Variants in EHMT1 observed in about 807,000 individuals in gnomAD.
The protein encoded by EHMT1 is histone-lysine N-methyltransferase EHMT1.
EHMT1 carries 15 observed loss-of-function variants against 147.2 expected under a neutral mutation model. The ratio of observed to expected loss-of-function variants is 0.10; its 90% CI spans 0.07 to 0.16. The LOEUF is 0.16. Ranked by LOEUF, EHMT1 falls within the 10% of genes least tolerant of loss-of-function variation. The pLI, the probability that EHMT1 is intolerant of heterozygous loss-of-function variation, is 1.00. For synonymous variants in EHMT1, 795 were observed against 709.6 expected (o/e 1.12, Z -1.91); for missense variants, 1,587 against 1,772.4 (o/e 0.90, Z 1.88).
At position 137,716,599 on chromosome 9, in the gene EHMT1, C is replaced by G. The variant is rs191989888; in HGVS notation, c.86-27C>G. 84 of 1,538,198 alleles carry G rather than the reference C, an allele frequency of 5.5e-5. No individual in the cohort carries two copies. In the East Asian group the frequency reaches 1.8e-3, roughly 33 times the overall value. On this transcript the variant is annotated intron_variant, in intron 2 of 26. Transcript: ENST00000460843. ...TGCCATGGAGAGCGTGGCCTGCAGT[C>G]AGTGACACTCGTTTCTTTGTTGGCA...
chr9:137,800,650 T>TGGGCCTGGGCC (rs1395182421), intron 17 of EHMT1: 15 of 577,252 alleles, frequency 2.6e-5, no homozygotes, highest in Non-Finnish European at 4.7e-5. Flanking sequence ...GCAGGGTTGT[T>TGGGCCTGGGCC]GGGCCTGGGC....
chr9:137,678,719 C>T (rs1002312841), intron 1 of EHMT1, among the ~76,000 whole-genome samples: 1 of 137,636 alleles, frequency 7.3e-6, no homozygotes, highest in African/African-American at 2.8e-5. Context: ...TCCCCCCCCC[C>T]GCTCCCCCCG....
intron 1 of EHMT1, among the ~76,000 whole-genome samples, chr9:137,671,620 G>T (rs4979653): frequency 0.18 from 27,338 of 150,734 alleles, 2,715 homozygotes; most frequent in Admixed American, 0.31. Context: ...TGCCTCTCGG[G>T]CTCAAGCTAT....
At chr9:137,660,886 T>G (rs757406797) in intron 1 of EHMT1, among the ~76,000 whole-genome samples, 3 of 152,210 alleles carry the variant, frequency 2.0e-5, no homozygotes, top group African/African-American at 7.2e-5. Flanking sequence ...CACAGCTGAC[T>G]ACTGAGTATT....
At chr9:137,623,958 G>A (rs551800705) in intron 1 of EHMT1, among the ~76,000 whole-genome samples, 3 of 151,680 alleles carry the variant, frequency 2.0e-5, no homozygotes, top group Admixed American at 6.6e-5. Flanking sequence ...TACCTGGGAC[G>A]GCAGGTGTGT....
intron 16 of EHMT1, among the ~76,000 whole-genome samples, chr9:137,791,558 CA>C (rs1263129383): frequency 3.9e-5 from 6 of 152,044 alleles, no homozygotes; most frequent in African/African-American, 1.4e-4. Flanking sequence ...ACCAAGAAGA[CA>C]AAAGACTTGT....
intron 16 of EHMT1, among the ~76,000 whole-genome samples, chr9:137,798,294 T>C (rs562392926): frequency 6.6e-5 from 10 of 151,912 alleles, no homozygotes; most frequent in African/African-American, 2.2e-4. Flanking sequence ...CCCAGCTACG[T>C]GGGAGGCTGA....
intron 1 of EHMT1, among the ~76,000 whole-genome samples, chr9:137,682,912 C>G (rs906581813): frequency 6.6e-6 from 1 of 152,154 alleles, no homozygotes; most frequent in Non-Finnish European, 1.5e-5. Context: ...CAGGGGCTGC[C>G]CTGCACGTGC....
At chr9:137,726,172 C>T (rs890219630) in intron 3 of EHMT1, among the ~76,000 whole-genome samples, 25 of 152,148 alleles carry the variant, frequency 1.6e-4, no homozygotes, top group African/African-American at 5.6e-4. Context: ...AGCTCAGTGG[C>T]ATTAAGCACA....
At chr9:137,809,005 A>G (rs765279759) in intron 18 of EHMT1, among the ~76,000 whole-genome samples, 3 of 152,230 alleles carry the variant, frequency 2.0e-5, no homozygotes, top group Admixed American at 1.3e-4. Flanking sequence ...GCCCCTAAGC[A>G]AGCAGCCTTT....
intron 25 of EHMT1, among the ~76,000 whole-genome samples, chr9:137,833,212 T>G (rs575908356): frequency 1.3e-5 from 2 of 152,330 alleles, no homozygotes; most frequent in South Asian, 4.1e-4. Context: ...ACCAGGTGTC[T>G]CTGCCGGCAG....
intron 7 of EHMT1, among the ~76,000 whole-genome samples, chr9:137,752,898 C>T (rs1309337885): frequency 2.0e-5 from 3 of 152,120 alleles, no homozygotes; most frequent in Non-Finnish European, 2.9e-5. Context: ...TTGAGGGTTT[C>T]CAGGTAGAAT....
intron 1 of EHMT1, among the ~76,000 whole-genome samples, chr9:137,705,309 T>TG (rs1944173989): frequency 6.6e-6 from 1 of 152,146 alleles, no homozygotes; most frequent in African/African-American, 2.4e-5. Context: ...TCCTTTAACT[T>TG]GCGTTTGAAA....
At chr9:137,792,863 T>C (rs570300440) in intron 16 of EHMT1, among the ~76,000 whole-genome samples, 1 of 152,280 alleles carries the variant, frequency 6.6e-6, no homozygotes, top group South Asian at 2.1e-4. Context: ...ATAGACAAAC[T>C]TGATTAAAAT....
intron 3 of EHMT1, chr9:137,717,409 C>T (rs983505180): frequency 3.1e-6 from 2 of 642,290 alleles, no homozygotes; most frequent in African/African-American, 3.7e-5. Context: ...TTGAGACCAG[C>T]CTGGGCAGCG....
At chr9:137,741,556 T>C (rs1007205747) in intron 4 of EHMT1, among the ~76,000 whole-genome samples, 2 of 152,198 alleles carry the variant, frequency 1.3e-5, no homozygotes, top group African/African-American at 4.8e-5. Flanking sequence ...CGATTTATGA[T>C]ATTAATAACC....
At chr9:137,815,749 G>T in intron 22 of EHMT1, 198 bp from the exon 23 acceptor site, 1 of 631,844 alleles carries the variant, frequency 1.6e-6, no homozygotes, top group Admixed American at 2.2e-5. Context: ...CACAACCTGT[G>T]TGGGCATCTG....
intron 18 of EHMT1, among the ~76,000 whole-genome samples, chr9:137,807,497 A>ATTTG (rs879613950): frequency 3.1e-3 from 469 of 151,398 alleles, no homozygotes; most frequent in Non-Finnish European, 4.3e-3. Flanking sequence ...TTATTTATTT[A>ATTTG]TTTATTTATT....
intron 1 of EHMT1, among the ~76,000 whole-genome samples, chr9:137,636,597 A>AT (rs1299273923): frequency 3.9e-5 from 6 of 152,052 alleles, no homozygotes; most frequent in African/African-American, 1.4e-4. Flanking sequence ...GAGTGTTTTC[A>AT]TTATAAAGGG....
Sources: gnomAD v4.1 joint callset for allele counts (sites outside exome capture counted in the v4.1 genomes callset) on GRCh38, gnomAD v4.1.1 for gene constraint, MANE v1.5 for transcripts, NCBI Gene and HGNC (gene_info 2026-07-23, HGNC 2026-07-21) for gene names.